The following MED12L variants were observed in gnomAD, a reference collection of about 807,000 sequenced individuals.
The protein encoded by MED12L is mediator of RNA polymerase II transcription subunit 12-like protein.
Under a neutral mutation model 281.3 loss-of-function variants are expected in MED12L, and 60 were observed. The observed-to-expected ratio is 0.21, with a 90% confidence interval of 0.17 to 0.26. The LOEUF is 0.26. Among genes scored for constraint, MED12L ranks in the 10% least tolerant of loss-of-function variants. MED12L has a pLI of 1.00. For synonymous variants in MED12L, 974 were observed against 987.2 expected, an observed-to-expected ratio of 0.99 and a Z score of 0.25; for missense variants, 2,146 against 2,680.9, an observed-to-expected ratio of 0.80 and a Z score of 4.41.
chr3:151,175,507 T>C (rs1397285241), intron 11 of MED12L, among the ~76,000 whole-genome samples: 1 of 152,262 alleles, frequency 6.6e-6, no homozygotes, highest in Non-Finnish European at 1.5e-5. Context: ...TATGGTGTTA[T>C]ATAACCTAGG....
intron 42 of MED12L, among the ~76,000 whole-genome samples, chr3:151,415,226 T>G (rs1717407572): frequency 1.3e-5 from 2 of 152,268 alleles, no homozygotes; most frequent in African/African-American, 4.8e-5. Flanking sequence ...TGGTAATTTT[T>G]TCATCATCAA....
In MED12L at chr3:151,436,570, A is replaced by G; in HGVS notation, c.*3766A>G. 1.5e-6 allele frequency: 1 copy of G among 667,026 alleles called. No homozygotes were observed. The highest frequency in any genetic ancestry group is 2.5e-6 in the Non-Finnish European group (1 of 395,746). The allele number at this position is 667,026 out of a possible 1,614,324, so 41.3% of individuals were successfully genotyped here. A position where few individuals can be genotyped will look rare whatever the true frequency, so the allele number is the denominator to read the frequency against. Reference sequence around the variant, plus strand: ...ACAAGTCCTTTTATTTTGCATGTTCATTGTAAATTTAATACTGTAAATGTA... The same window carrying G: ...ACAAGTCCTTTTATTTTGCATGTTCGTTGTAAATTTAATACTGTAAATGTA... On this transcript the variant is annotated 3_prime_UTR_variant, in exon 45 of 45. Coordinates refer to ENST00000687756, the MANE Select transcript of MED12L (RefSeq NM_001393769.1).
intron 16 of MED12L, among the ~76,000 whole-genome samples, chr3:151,297,848 T>TTG (rs983442952): frequency 1.3e-5 from 2 of 151,750 alleles, no homozygotes; most frequent in African/African-American, 2.4e-5. Flanking sequence ...TCAAAAAAGG[T>TTG]TGTGTGTGTG....
intron 5 of MED12L, among the ~76,000 whole-genome samples, chr3:151,150,421 A>AATTACAGGACAGGACAAG (rs1718299696): frequency 1.3e-5 from 2 of 152,158 alleles, no homozygotes; most frequent in African/African-American, 4.8e-5. Context: ...CCGTGCTGTA[A>AATTACAGGACAGGACAAG]ACAAATGTCC....
At position 151,435,675 on chromosome 3, in the gene MED12L, G is replaced by GA. The variant is rs1467735977; in HGVS notation, c.*2875dup. The GA allele has an allele frequency of 6.6e-6, 1 of 151,950 alleles. No individual in the cohort carries two copies. The highest frequency in any genetic ancestry group is 2.4e-5 in the African/African-American group (1 of 41,334). 9.4% of individuals were successfully genotyped at this position (151,950 alleles called of 1,614,324 possible). A position where few individuals can be genotyped will look rare whatever the true frequency, so the allele number is the denominator to read the frequency against. ...AATAGATGCTGGAGAAATTACACTG[G>GA]AAAACCCCACCCCTAGATTTAGATA... On this transcript the variant is annotated 3_prime_UTR_variant, in exon 45 of 45. Transcript: ENST00000687756.
At chr3:151,214,359 T>A (rs1431115118) in intron 16 of MED12L, 2 of 1,538,022 alleles carry the variant, frequency 1.3e-6, no homozygotes, top group Non-Finnish European at 1.8e-6. Flanking sequence ...AGGTGTGAAC[T>A]GGTCACTCAT....
chr3:151,295,125 C>G (rs563106165), intron 16 of MED12L: 3 of 1,613,496 alleles, frequency 1.9e-6, no homozygotes, highest in African/African-American at 2.7e-5. Context: ...ACAATTGTGT[C>G]AAATTCATTG....
Position 151,372,669 on chromosome 3 carries a change from C to T in MED12L, c.3767C>T (p.Ala1256Val). ...GGGAATGCTGATGATATCTGGACTG[C>T]CTCACAAAATCCAAAATCCTGTGGG... is the stretch of plus-strand genomic sequence containing the variant. Reference protein sequence around the residue: ...CDGNADDIWTASQNPKSCGKS... With the variant: ...CDGNADDIWTVSQNPKSCGKS... The change falls in exon 27 of 45, where the codon GCC becomes GTC. Residue 1256 changes from alanine (A) to valine (V), a missense_variant. Transcript: ENST00000687756. 4 of 1,613,860 alleles carry T rather than the reference C, an allele frequency of 2.5e-6. No individual in the cohort carries two copies. The highest frequency in any genetic ancestry group is 3.4e-6 in the Non-Finnish European group (4 of 1,179,798).
chr3:151,207,975 T>C (rs1344453479), intron 16 of MED12L, among the ~76,000 whole-genome samples: 1 of 152,226 alleles, frequency 6.6e-6, no homozygotes, highest in Non-Finnish European at 1.5e-5. Context: ...TTTTATTCTT[T>C]TTCATTTAGG....
At chr3:151,288,941 G>A (rs1447355629) in intron 16 of MED12L, among the ~76,000 whole-genome samples, 4 of 152,294 alleles carry the variant, frequency 2.6e-5, no homozygotes, top group South Asian at 4.1e-4. Context: ...TGCACATCTG[G>A]TATTCAGTTC....
chr3:151,168,574 G>A (rs1404336125), intron 11 of MED12L, among the ~76,000 whole-genome samples: 1 of 152,200 alleles, frequency 6.6e-6, no homozygotes. Context: ...TATTTTGAAT[G>A]TTGACTCAAC....
chr3:151,338,623 G>C, intron 16 of MED12L: 1 of 1,613,886 alleles, frequency 6.2e-7, no homozygotes, highest in Non-Finnish European at 8.5e-7. Context: ...GGAAAAGTCA[G>C]AATCATGAGA....
chr3:151,430,584 T>C (rs1719375464), intron 44 of MED12L, among the ~76,000 whole-genome samples: 1 of 151,022 alleles, frequency 6.6e-6, no homozygotes, highest in Admixed American at 6.6e-5. Context: ...GCCCCAATTT[T>C]TCTCAAATTC....
At chr3:151,337,853 C>T (rs768886185) in intron 16 of MED12L, 25 of 1,614,110 alleles carry the variant, frequency 1.5e-5, no homozygotes, top group Non-Finnish European at 2.1e-5. Flanking sequence ...CACCACCATC[C>T]TGTTCTTTTT....
At chr3:151,295,248 G>A in intron 16 of MED12L, 1 of 1,428,980 alleles carries the variant, frequency 7.0e-7, no homozygotes, top group Non-Finnish European at 9.7e-7. Context: ...TTCAGTGCTT[G>A]GCAAGCATGC....
intron 16 of MED12L, among the ~76,000 whole-genome samples, chr3:151,281,144 T>C (rs1742739562): frequency 6.7e-6 from 1 of 149,670 alleles, no homozygotes; most frequent in Non-Finnish European, 1.5e-5. Flanking sequence ...ATCTCAGCAG[T>C]TTGGGAGGCC....
chr3:151,291,013 A>G (rs563133187), intron 16 of MED12L, among the ~76,000 whole-genome samples: 5 of 152,272 alleles, frequency 3.3e-5, no homozygotes, highest in Non-Finnish European at 7.4e-5. Flanking sequence ...TCTTTTATGT[A>G]TCATGCTGAG....
intron 11 of MED12L, 25 bp downstream of exon 11, chr3:151,166,007 T>C (rs780794099): frequency 1.3e-6 from 2 of 1,575,962 alleles, no homozygotes; most frequent in South Asian, 2.3e-5. Flanking sequence ...TTTAATTCTT[T>C]TCACCTTTTA....
intron 16 of MED12L, among the ~76,000 whole-genome samples, chr3:151,340,188 G>C (rs1751631814): frequency 6.6e-6 from 1 of 152,060 alleles, no homozygotes; most frequent in Admixed American, 6.6e-5. Flanking sequence ...AACCTTTCCT[G>C]CTACTGCTGT....
Sources: allele counts gnomAD v4.1 joint callset (sites outside exome capture counted in the v4.1 genomes callset), GRCh38; gene constraint gnomAD v4.1.1; transcripts MANE v1.5; gene names NCBI Gene and HGNC (gene_info 2026-07-23, HGNC 2026-07-21).